The following RBFOX1 variants were observed in gnomAD, a reference collection of about 807,000 sequenced individuals.
RBFOX1 encodes the protein RNA binding protein fox-1 homolog 1.
A neutral mutation model predicts 57.7 loss-of-function variants in RBFOX1; 8 were observed. That is an observed-to-expected ratio of 0.14 (90% CI 0.08 to 0.25). The LOEUF (loss-of-function observed/expected upper bound fraction) is 0.25, where lower values mean the gene tolerates loss of function less well. Ranked by LOEUF, RBFOX1 falls within the 10% of genes least tolerant of loss-of-function variation. The pLI is 1.00. For synonymous variants in RBFOX1, 326 were observed against 222.4 expected, an observed-to-expected ratio of 1.47 and a Z score of -4.15; for missense variants, 611 against 548.5, an observed-to-expected ratio of 1.11 and a Z score of -1.14.
intron 4 of RBFOX1, among the ~76,000 whole-genome samples, chr16:7,079,039 G>A (rs184618484): frequency 2.6e-5 from 4 of 151,322 alleles, no homozygotes; most frequent in Non-Finnish European, 5.9e-5. Context: ...TATCTTTTTT[G>A]GGGGGAAACA....
At chr16:5,918,805 G>C (rs569029637) in intron 4 of RBFOX1, among the ~76,000 whole-genome samples, 2 of 152,216 alleles carry the variant, frequency 1.3e-5, no homozygotes, top group African/African-American at 4.8e-5. Flanking sequence ...CAGTGATAGT[G>C]AGACCTGCAA....
chr16:7,475,641 C>G (rs981814999), intron 4 of RBFOX1, among the ~76,000 whole-genome samples: 1 of 152,008 alleles, frequency 6.6e-6, no homozygotes, highest in Non-Finnish European at 1.5e-5. Flanking sequence ...AGAGAGATAG[C>G]TAAGATCATG....
chr16:5,450,768 C>T (rs1173405077), intron 1 of RBFOX1, among the ~76,000 whole-genome samples: 2 of 152,168 alleles, frequency 1.3e-5, no homozygotes, highest in Non-Finnish European at 2.9e-5. Context: ...CTGCAGGCCC[C>T]CTTGTGACTT....
At chr16:6,486,738 T>C (rs2095491546) in intron 2 of RBFOX1, among the ~76,000 whole-genome samples, 1 of 152,142 alleles carries the variant, frequency 6.6e-6, no homozygotes, top group Non-Finnish European at 1.5e-5. Context: ...CAAATCTTTG[T>C]TTGCATTTAT....
intron 4 of RBFOX1, among the ~76,000 whole-genome samples, chr16:7,054,044 C>G (rs1052216755): frequency 8.1e-4 from 123 of 151,920 alleles, no homozygotes; most frequent in African/African-American, 2.7e-3. Flanking sequence ...GTACTGGTAG[C>G]TATCTCATCT....
intron 3 of RBFOX1, among the ~76,000 whole-genome samples, chr16:6,800,835 TGGAA>T (rs1483108296): frequency 6.6e-6 from 1 of 152,104 alleles, no homozygotes; most frequent in Non-Finnish European, 1.5e-5. Context: ...GCATACAAAA[TGGAA>T]GGATTTTTCA....
intron 1 of RBFOX1, among the ~76,000 whole-genome samples, chr16:5,358,262 T>G (rs1009086999): frequency 6.7e-6 from 1 of 148,634 alleles, no homozygotes; most frequent in Non-Finnish European, 1.5e-5. Context: ...TTCCCCTTTT[T>G]ATAAGGACAT....
chr16:6,046,318 A>G (rs1163422084), intron 1 of RBFOX1, among the ~76,000 whole-genome samples: 3 of 152,196 alleles, frequency 2.0e-5, no homozygotes, highest in Non-Finnish European at 2.9e-5. Context: ...GGGAGGAAGC[A>G]TGAATGACTT....
intron 2 of RBFOX1, among the ~76,000 whole-genome samples, chr16:6,515,756 C>G (rs1428092286): frequency 6.6e-6 from 1 of 152,102 alleles, no homozygotes; most frequent in Non-Finnish European, 1.5e-5. Context: ...TAATGTTAGC[C>G]ATAAACATAC....
chr16:7,667,023 G>A (rs944943478), intron 13 of RBFOX1, among the ~76,000 whole-genome samples: 9 of 152,114 alleles, frequency 5.9e-5, no homozygotes, highest in African/African-American at 7.2e-5. Context: ...AGAAATTATC[G>A]TTTTCCCCAC....
At chr16:5,674,101 T>C (rs2050096357) in intron 3 of RBFOX1, among the ~76,000 whole-genome samples, 1 of 152,202 alleles carries the variant, frequency 6.6e-6, no homozygotes, top group African/African-American at 2.4e-5. Context: ...TAGGAGGTGA[T>C]TCTACAGCAA....
intron 4 of RBFOX1, among the ~76,000 whole-genome samples, chr16:7,289,795 A>T (rs970342938): frequency 6.6e-6 from 1 of 152,204 alleles, no homozygotes; most frequent in Non-Finnish European, 1.5e-5. Context: ...TAAAAATATT[A>T]GTGCTTGTCT....
At chr16:6,518,744 T>G (rs2096435452) in intron 2 of RBFOX1, among the ~76,000 whole-genome samples, 1 of 146,594 alleles carries the variant, frequency 6.8e-6, no homozygotes, top group Non-Finnish European at 1.5e-5. Flanking sequence ...CATCTATCTC[T>G]GTCTGTCTGT....
intron 2 of RBFOX1, among the ~76,000 whole-genome samples, chr16:6,651,745 A>T (rs2098597932): frequency 6.6e-6 from 1 of 152,200 alleles, no homozygotes; most frequent in African/African-American, 2.4e-5. Context: ...AGTTGAATAG[A>T]TACGTACACA....
chr16:5,370,854 C>G (rs908053543), intron 1 of RBFOX1, among the ~76,000 whole-genome samples: 27 of 152,268 alleles, frequency 1.8e-4, no homozygotes, highest in Admixed American at 3.3e-4. Flanking sequence ...TTTTAGCAGG[C>G]ACATGACTCC....
intron 3 of RBFOX1, among the ~76,000 whole-genome samples, chr16:6,921,359 G>T (rs184879424): frequency 1.9e-3 from 288 of 152,232 alleles, no homozygotes; most frequent in African/African-American, 6.4e-3. Context: ...GTTCACATTT[G>T]GAGGCTCAAA....
At chr16:5,804,383 A>G (rs2055160516) in intron 3 of RBFOX1, among the ~76,000 whole-genome samples, 1 of 152,220 alleles carries the variant, frequency 6.6e-6, no homozygotes, top group African/African-American at 2.4e-5. Flanking sequence ...GTAGTGACAG[A>G]GTTTTTGTCT....
chr16:7,540,009 G>A (rs996508166), intron 5 of RBFOX1, among the ~76,000 whole-genome samples: 1 of 152,138 alleles, frequency 6.6e-6, no homozygotes, highest in African/African-American at 2.4e-5. Flanking sequence ...AAGCCCTAAA[G>A]CATAGAAGGT....
At chr16:6,291,696 C>G (rs67962445) in intron 1 of RBFOX1, among the ~76,000 whole-genome samples, 20,675 of 152,164 alleles carry the variant, frequency 0.14, 1,710 homozygotes, top group Non-Finnish European at 0.17. Context: ...CTGAGACAGA[C>G]AAAGGCATAA....
Sources: allele counts gnomAD v4.1 joint callset (sites outside exome capture counted in the v4.1 genomes callset), GRCh38; gene constraint gnomAD v4.1.1; transcripts MANE v1.5; gene names NCBI Gene and HGNC (gene_info 2026-07-23, HGNC 2026-07-21).